The following CDH18 variants were observed in gnomAD, a reference collection of about 807,000 sequenced individuals.
CDH18 encodes cadherin-18.
A neutral mutation model predicts 67.9 loss-of-function variants in CDH18; 31 were observed. That is an observed-to-expected ratio of 0.46 (90% CI 0.34 to 0.62). CDH18 has a LOEUF of 0.62. Among genes scored for constraint, CDH18 ranks in the 20% least tolerant of loss-of-function variants. CDH18 has a pLI of 0.01. For synonymous variants in CDH18, 362 were observed against 347.2 expected, an observed-to-expected ratio of 1.04 and a Z score of -0.48; for missense variants, 890 against 975.5, an observed-to-expected ratio of 0.91 and a Z score of 1.17.
At chr5:20,351,191 T>TGTGTGTGTGTGTGTGTGC (rs1420969028) in intron 1 of CDH18, among the ~76,000 whole-genome samples, 1 of 148,678 alleles carries the variant, frequency 6.7e-6, no homozygotes, top group African/African-American at 2.5e-5. Flanking sequence ...TGTGTGTGTG[T>TGTGTGTGTGTGTGTGTGC]GCGTGTGTGT....
chr5:19,637,776 C>A (rs1255265381), intron 5 of CDH18, among the ~76,000 whole-genome samples: 3 of 152,096 alleles, frequency 2.0e-5, no homozygotes, highest in African/African-American at 7.2e-5. Flanking sequence ...CTTGCTTTTC[C>A]TCACCCAACT....
chr5:19,593,656 CT>C (rs143289912), intron 6 of CDH18, among the ~76,000 whole-genome samples: 1,678 of 141,364 alleles, frequency 0.012, 92 homozygotes, highest in African/African-American at 0.046. Flanking sequence ...CCCACTCCCC[CT>C]CCCCTTCTAC....
chr5:20,569,441 G>A (rs6891204), intron 1 of CDH18, among the ~76,000 whole-genome samples: 24,512 of 151,816 alleles, frequency 0.16, 2,134 homozygotes, highest in Admixed American at 0.2. Context: ...GCCAATATGG[G>A]GAAACCCCAT....
rs1158319103 is a variant in CDH18, at chr5:19,638,434, C to A, written c.644-25833G>T. Among the ~76,000 whole-genome samples, 21 of 152,148 alleles carry A rather than the reference C, an allele frequency of 1.4e-4. 1 individual carries two copies. Among genetic ancestry groups the A allele is most frequent in the Admixed American group, 1.4e-3 (21 of 15,276 alleles). On this transcript the variant is annotated intron_variant, in intron 5 of 12. Transcript: ENST00000382275. ...ATTCGTTAGTTTTCTCCTCTTTTCCCATGTTATGTGGAAAGAAATTCCACC... is the reference window on the plus strand; with the variant it reads ...ATTCGTTAGTTTTCTCCTCTTTTCCAATGTTATGTGGAAAGAAATTCCACC...
At chr5:20,473,696 A>G (rs768365169) in intron 1 of CDH18, among the ~76,000 whole-genome samples, 1 of 152,118 alleles carries the variant, frequency 6.6e-6, no homozygotes, top group Non-Finnish European at 1.5e-5. Flanking sequence ...AAATGTATCA[A>G]TTGTTTCAAC....
intron 1 of CDH18, among the ~76,000 whole-genome samples, chr5:20,509,930 T>C (rs1430585101): frequency 6.6e-6 from 1 of 152,170 alleles, no homozygotes; most frequent in African/African-American, 2.4e-5. Context: ...CCAGATCATA[T>C]GGTAGTTTTA....
At chr5:20,529,115 C>G (rs1416432768) in intron 1 of CDH18, among the ~76,000 whole-genome samples, 1 of 152,002 alleles carries the variant, frequency 6.6e-6, no homozygotes, top group Non-Finnish European at 1.5e-5. Context: ...ACAATAAACA[C>G]CTCTATGCAA....
At chr5:20,334,219 GC>G (rs1209997726) in intron 1 of CDH18, among the ~76,000 whole-genome samples, 163 of 137,024 alleles carry the variant, frequency 1.2e-3, no homozygotes, top group African/African-American at 4.1e-3. Context: ...TGCAGGCTCC[GC>G]CCCCTGGGGT....
intron 9 of CDH18, among the ~76,000 whole-genome samples, chr5:19,533,603 G>T (rs1294921446): frequency 6.6e-6 from 1 of 152,126 alleles, no homozygotes; most frequent in African/African-American, 2.4e-5. Flanking sequence ...GCATGCTTTA[G>T]ACAGTGAAAA....
chr5:19,694,813 G>A (rs1313811259), intron 5 of CDH18, among the ~76,000 whole-genome samples: 2 of 149,718 alleles, frequency 1.3e-5, no homozygotes, highest in African/African-American at 4.9e-5. Flanking sequence ...GTGCATGGTG[G>A]ATCACAGCTG....
intron 2 of CDH18, among the ~76,000 whole-genome samples, chr5:20,087,321 A>G (rs1016803477): frequency 1.3e-5 from 2 of 152,170 alleles, no homozygotes; most frequent in Admixed American, 6.5e-5. Context: ...TGATGTGAAC[A>G]TTGTTTAAAT....
intron 8 of CDH18, among the ~76,000 whole-genome samples, chr5:19,555,714 T>A (rs1738280000): frequency 6.6e-6 from 1 of 152,084 alleles, no homozygotes; most frequent in South Asian, 2.1e-4. Flanking sequence ...AAGTACATAA[T>A]CTCTTGGGAG....
chr5:19,697,315 A>C (rs906863264), intron 5 of CDH18, among the ~76,000 whole-genome samples: 26 of 152,216 alleles, frequency 1.7e-4, no homozygotes, highest in African/African-American at 6.0e-4. Flanking sequence ...TTAGCTATAC[A>C]TCAATCTCAG....
chr5:20,410,480 C>A lies in CDH18; in HGVS notation c.-579-154975G>T, dbSNP rs144418009. ...AAAAACTAATAATAGAAGAAAAGTA[C>A]CTCAATATAATAATGGCCATATCCT... On this transcript the variant is annotated intron_variant, in intron 1 of 14. Coordinates refer to the CDH18 transcript ENST00000507958. Among the ~76,000 whole-genome samples, 64 of 151,556 alleles carry A rather than the reference C, an allele frequency of 4.2e-4. No individual in the cohort carries two copies. In the East Asian group the frequency reaches 0.012, roughly 29 times the overall value.
intron 2 of CDH18, among the ~76,000 whole-genome samples, chr5:20,143,196 AATGT>A (rs1289565285): frequency 6.6e-6 from 1 of 152,128 alleles, no homozygotes; most frequent in Non-Finnish European, 1.5e-5. Context: ...TAGAAATATA[AATGT>A]TAAAGGGGAT....
At chr5:19,959,243 G>C (rs62352250) in intron 2 of CDH18, among the ~76,000 whole-genome samples, 249 of 152,040 alleles carry the variant, frequency 1.6e-3, no homozygotes, top group Non-Finnish European at 2.8e-3. Context: ...TCATTAGCTT[G>C]TGTGTGTATA....
intron 2 of CDH18, among the ~76,000 whole-genome samples, chr5:20,067,505 T>C (rs987782193): frequency 6.6e-6 from 1 of 152,010 alleles, no homozygotes; most frequent in Non-Finnish European, 1.5e-5. Context: ...ATTAGAAACA[T>C]ACCTATTGTG....
chr5:19,642,601 T>C (rs1336923889), intron 5 of CDH18, among the ~76,000 whole-genome samples: 1 of 152,020 alleles, frequency 6.6e-6, no homozygotes, highest in Non-Finnish European at 1.5e-5. Context: ...AAAATAGTGT[T>C]GGGAAAACTG....
intron 3 of CDH18, among the ~76,000 whole-genome samples, chr5:19,828,818 C>A (rs1346819276): frequency 6.6e-6 from 1 of 152,154 alleles, no homozygotes; most frequent in Admixed American, 6.5e-5. Context: ...GGGAGGATCA[C>A]TTAAGGTCAG....
Sources: gnomAD v4.1 joint callset for allele counts (sites outside exome capture counted in the v4.1 genomes callset) on GRCh38, gnomAD v4.1.1 for gene constraint, MANE v1.5 for transcripts, NCBI Gene and HGNC (gene_info 2026-07-23, HGNC 2026-07-21) for gene names.